Variants in LBH observed in about 807,000 individuals in gnomAD.
LBH encodes protein LBH.
LBH carries 7 observed loss-of-function variants against 12.5 expected under a neutral mutation model. The ratio of observed to expected loss-of-function variants is 0.56; its 90% CI spans 0.32 to 1.05. LBH has a LOEUF of 1.05. LBH is among the 50% of genes least tolerant of loss of function. The pLI is 0.04. For synonymous variants in LBH, 51 were observed against 50.1 expected (o/e 1.02, Z -0.08); for missense variants, 119 against 138.9 (o/e 0.86, Z 0.72).
At position 30,240,658 on chromosome 2, in the gene LBH, A is replaced by G. The variant is rs536352332; in HGVS notation, c.129+6151A>G. ...GGAGGGCCCCTTATTACACAGATCC[A>G]TCTTGAAGAACAATTTCAATTTGCC... On this transcript the variant is annotated intron_variant, in intron 2 of 2. Transcript: ENST00000395323. 1.9e-4 allele frequency among the ~76,000 whole-genome samples: 29 copies of G among 152,304 alleles called. No individual in the cohort carries two copies. The South Asian group carries it at 5.8e-3, about 31-fold the overall frequency.
chr2:30,256,344 G>C (rs1294340866), intron 2 of LBH, among the ~76,000 whole-genome samples: 1 of 150,634 alleles, frequency 6.6e-6, no homozygotes, highest in Non-Finnish European at 1.5e-5. Context: ...AAGAAGCCAG[G>C]AACTGTTCAC....
In LBH at chr2:30,237,706, A is replaced by G. The variant is rs558363791; in HGVS notation, c.129+3199A>G. On this transcript the variant is annotated intron_variant, in intron 2 of 2. Coordinates refer to ENST00000395323, the MANE Select transcript of LBH (RefSeq NM_030915.4). ...CCCCTGAAAGATTCAAGGAAGCCCC[A>G]GCTACTGGTCCTGGGGCAGTTAGGG... 3.9e-4 allele frequency among the ~76,000 whole-genome samples: 59 copies of G among 152,302 alleles called. 1 individual carries two copies. In the South Asian group the frequency reaches 8.9e-3, roughly 23 times the overall value.
chr2:30,238,198 C>G (rs191195846), intron 2 of LBH, among the ~76,000 whole-genome samples: 63 of 152,304 alleles, frequency 4.1e-4, no homozygotes, highest in Non-Finnish European at 6.8e-4. Flanking sequence ...CCTGTGGGCA[C>G]CGACACTGCC....
intron 2 of LBH, among the ~76,000 whole-genome samples, chr2:30,255,295 C>T (rs1279987716): frequency 6.6e-6 from 1 of 150,706 alleles, no homozygotes; most frequent in East Asian, 1.9e-4. Flanking sequence ...CCACGTGGCG[C>T]TCCTCGCTCG....
chr2:30,241,730 C>T (rs1198467017), intron 2 of LBH, among the ~76,000 whole-genome samples: 1 of 152,032 alleles, frequency 6.6e-6, no homozygotes, highest in Non-Finnish European at 1.5e-5. Flanking sequence ...CCCCAAAGTG[C>T]CAGGATTATA....
intron 2 of LBH, among the ~76,000 whole-genome samples, chr2:30,239,080 G>A (rs1398598586): frequency 1.3e-5 from 2 of 151,854 alleles, no homozygotes; most frequent in African/African-American, 2.4e-5. Context: ...TAGTAGAGAC[G>A]GGGTCTCTCC....
intron 2 of LBH, among the ~76,000 whole-genome samples, chr2:30,249,482 G>A (rs932019636): frequency 6.6e-6 from 1 of 152,166 alleles, no homozygotes; most frequent in African/African-American, 2.4e-5. Flanking sequence ...GAAGCTGAGG[G>A]GCAGGCCCCT....
rs1202042610 is a variant in LBH at position 30,231,571 on chromosome 2, C to A, written c.-168C>A. 1 of 651,124 alleles carries A rather than the reference C, an allele frequency of 1.5e-6. No homozygotes were observed. The highest frequency in any genetic ancestry group is 2.8e-6 in the Non-Finnish European group (1 of 362,132). 40.3% of individuals were successfully genotyped at this position (651,124 alleles called of 1,614,324 possible). ...GTGGAGAGCGGGGAGTTGTGTCCAC[C>A]TTGCCGACGTCGCTAGCCGTGGGGC... is the stretch of plus-strand genomic sequence containing the variant. On this transcript the variant is annotated 5_prime_UTR_variant, in exon 1 of 3. Transcript: ENST00000395323.
chr2:30,237,132 C>G (rs576876383), intron 2 of LBH, among the ~76,000 whole-genome samples: 1 of 152,184 alleles, frequency 6.6e-6, no homozygotes, highest in Non-Finnish European at 1.5e-5. Context: ...CAGGGGATCT[C>G]GGAGCTCTGT....
In LBH at chr2:30,257,749, C is replaced by A; in HGVS notation, c.*128C>A. Reference sequence around the variant, plus strand: ...AATGTCAAACGAGGCTTCTGTTTTGCACCTGCAGATCACCGAGTTGGTTTT... The same window carrying A: ...AATGTCAAACGAGGCTTCTGTTTTGAACCTGCAGATCACCGAGTTGGTTTT... On this transcript the variant is annotated 3_prime_UTR_variant, in exon 3 of 3. Transcript: ENST00000395323. The A allele has an allele frequency of 1.5e-6, 1 of 646,954 alleles. No homozygotes were observed. Among genetic ancestry groups the A allele is most frequent in the Middle Eastern group, 4.4e-4 (1 of 2,292 alleles). 40.1% of individuals were successfully genotyped at this position (646,954 alleles called of 1,614,324 possible).
intron 2 of LBH, among the ~76,000 whole-genome samples, chr2:30,253,933 G>A (rs1490452684): frequency 6.6e-6 from 1 of 152,198 alleles, no homozygotes; most frequent in Non-Finnish European, 1.5e-5. Context: ...CACCTGGGTT[G>A]TGTGGCTTAA....
chr2:30,236,749 G>A (rs1478553752), intron 2 of LBH, among the ~76,000 whole-genome samples: 6 of 152,158 alleles, frequency 3.9e-5, no homozygotes, highest in African/African-American at 1.2e-4. Context: ...CAGTCCAGGT[G>A]GGGGACATAC....
chr2:30,237,445 C>T (rs1677709228), intron 2 of LBH, among the ~76,000 whole-genome samples: 1 of 152,150 alleles, frequency 6.6e-6, no homozygotes, highest in Non-Finnish European at 1.5e-5. Flanking sequence ...TTCGAGGATA[C>T]GGGTCCTGTT....
chr2:30,256,507 A>T (rs1429286653), intron 2 of LBH: 1 of 152,048 alleles, frequency 6.6e-6, no homozygotes, highest in African/African-American at 2.4e-5. Flanking sequence ...GGAATCGAAC[A>T]TATCCAGTTT....
intron 2 of LBH, among the ~76,000 whole-genome samples, chr2:30,238,152 C>T (rs1677720429): frequency 1.3e-5 from 2 of 152,202 alleles, no homozygotes; most frequent in Admixed American, 6.5e-5. Context: ...CCCGACTTGG[C>T]CTGGGCTCTG....
chr2:30,259,764 G>C lies in LBH; in HGVS notation c.*2143G>C, dbSNP rs1678163830. 6.6e-6 allele frequency: 1 copy of C among 152,500 alleles called. No homozygotes were observed. The highest frequency in any genetic ancestry group is 2.1e-4 in the South Asian group (1 of 4,816). 9.4% of individuals were successfully genotyped at this position (152,500 alleles called of 1,614,324 possible). ...AGGACCCTCAGCGGTGGAGCCTGCT[G>C]GGGGGACCCAGCTGCTCTTGGACAA... is the stretch of plus-strand genomic sequence containing the variant. On this transcript the variant is annotated 3_prime_UTR_variant, in exon 3 of 3. Transcript: ENST00000395323.
In LBH at chr2:30,258,550, TC is replaced by T. The variant is rs1678126339; in HGVS notation, c.*931del. 2.0e-5 allele frequency: 3 copies of T among 153,286 alleles called. No individual in the cohort carries two copies. Among genetic ancestry groups the T allele is most frequent in the African/African-American group, 7.2e-5 (3 of 41,538 alleles). The allele number at this position is 153,286 out of a possible 1,614,324, so 9.5% of individuals were successfully genotyped here. Reference sequence around the variant, plus strand: ...TCCCGAGATGGAGTGGGCGTGGTCTTCCAGGCTGGCCCTTCCTTCTCCTCAC... The same window carrying T: ...TCCCGAGATGGAGTGGGCGTGGTCTTCAGGCTGGCCCTTCCTTCTCCTCAC... On this transcript the variant is annotated 3_prime_UTR_variant, in exon 3 of 3. Transcript: ENST00000395323.
chr2:30,251,889 G>T (rs1677985554), intron 2 of LBH, among the ~76,000 whole-genome samples: 2 of 152,090 alleles, frequency 1.3e-5, no homozygotes, highest in Non-Finnish European at 2.9e-5. Flanking sequence ...CGTTTGTTTG[G>T]CCGACCAACA....
intron 2 of LBH, 132 bp downstream of exon 2, chr2:30,234,639 A>G (rs1677654081): frequency 3.2e-6 from 2 of 616,620 alleles, no homozygotes. Context: ...CCCTAATGCC[A>G]GTAAGCCTCA....
Sources: allele counts gnomAD v4.1 joint callset (sites outside exome capture counted in the v4.1 genomes callset), GRCh38; gene constraint gnomAD v4.1.1; transcripts MANE v1.5; gene names NCBI Gene and HGNC (gene_info 2026-07-23, HGNC 2026-07-21).